The following RAB38 variants were observed in gnomAD, a reference collection of about 807,000 sequenced individuals.
The protein encoded by RAB38 is ras-related protein Rab-38.
Under a neutral mutation model 18.4 loss-of-function variants are expected in RAB38, and 15 were observed. That is an observed-to-expected ratio of 0.82 (90% CI 0.55 to 1.26). The LOEUF (loss-of-function observed/expected upper bound fraction) is 1.26. Among genes scored for constraint, RAB38 ranks in the 50% most tolerant of loss-of-function variants. RAB38 has a pLI of 0.00. For missense variants in RAB38, 294 were observed against 267.4 expected, an observed-to-expected ratio of 1.10 and a Z score of -0.69; for synonymous variants, 101 against 104.4, an observed-to-expected ratio of 0.97 and a Z score of 0.20.
the RAB38 span, among the ~76,000 whole-genome samples, chr11:87,845,810 T>C: frequency 1.3e-5 from 2 of 152,136 alleles, no homozygotes; most frequent in African/African-American, 2.4e-5. Context: ...ATATTACTTA[T>C]GGGAAGAAAA....
chr11:87,935,344 G>A, the RAB38 span, among the ~76,000 whole-genome samples: 1 of 151,386 alleles, frequency 6.6e-6, no homozygotes, highest in Admixed American at 6.6e-5. Flanking sequence ...TTCTCTCCTG[G>A]GATTCCCCTA....
At chr11:87,938,261 G>C in the RAB38 span, among the ~76,000 whole-genome samples, 3 of 151,988 alleles carry the variant, frequency 2.0e-5, no homozygotes, top group South Asian at 2.1e-4. Context: ...ATTACTGCTG[G>C]GCAGGGGTTA....
chr11:87,891,953 A>G, the RAB38 span, among the ~76,000 whole-genome samples: 1 of 151,832 alleles, frequency 6.6e-6, no homozygotes, highest in East Asian at 2.0e-4. Context: ...GTGATATAGT[A>G]ATTGTTTGAC....
the RAB38 span, among the ~76,000 whole-genome samples, chr11:88,094,916 C>T: frequency 2.6e-5 from 4 of 151,858 alleles, no homozygotes; most frequent in Non-Finnish European, 5.9e-5. Context: ...CTTTTCTCCT[C>T]TCACTCTCTT....
At chr11:88,159,927 T>G (rs926762426) in intron 1 of RAB38, among the ~76,000 whole-genome samples, 1 of 152,046 alleles carries the variant, frequency 6.6e-6, no homozygotes, top group African/African-American at 2.4e-5. Flanking sequence ...TGGGAAATAA[T>G]TTATGACTAA....
chr11:88,139,914 G>C (rs1295121206), intron 2 of RAB38, among the ~76,000 whole-genome samples: 4 of 152,138 alleles, frequency 2.6e-5, no homozygotes, highest in African/African-American at 9.7e-5. Context: ...TAGTAAAAAA[G>C]ACAAATTTGA....
Sources: allele counts gnomAD v4.1 joint callset (sites outside exome capture counted in the v4.1 genomes callset), GRCh38; gene constraint gnomAD v4.1.1; transcripts MANE v1.5; gene names NCBI Gene and HGNC (gene_info 2026-07-23, HGNC 2026-07-21).